FBXO24: variants seen among roughly 807,000 people sequenced by gnomAD.
FBXO24 encodes F-box protein 24.
A neutral mutation model predicts 63.5 loss-of-function variants in FBXO24; 30 were observed. That is an observed-to-expected ratio of 0.47 (90% confidence interval 0.35 to 0.64). The LOEUF (loss-of-function observed/expected upper bound fraction) is 0.64, where lower values mean the gene tolerates loss of function less well. Among genes scored for constraint, FBXO24 ranks in the 30% least tolerant of loss-of-function variants. The pLI is 0.00. For synonymous variants in FBXO24, 300 were observed against 305.0 expected (o/e 0.98, Z 0.17); for missense variants, 624 against 763.4 (o/e 0.82, Z 2.15).
chr7:100,586,721 G>A (rs745404687), intron 1 of FBXO24, 57 bp downstream of exon 1: 1 of 1,598,054 alleles, frequency 6.3e-7, no homozygotes, highest in Non-Finnish European at 8.6e-7. Context: ...CTGGCCGGCC[G>A]GGAACGCAGT....
In FBXO24 at chr7:100,601,073, T is replaced by A; in HGVS notation, c.*174T>A. Reference sequence around the variant, plus strand: ...CCAGGAGGGGCCCCCAACCTGACTATCATGGACAAGAGATTTGATGGATAG... The same window carrying A: ...CCAGGAGGGGCCCCCAACCTGACTAACATGGACAAGAGATTTGATGGATAG... On this transcript the variant is annotated 3_prime_UTR_variant, in exon 10 of 10. Transcript: ENST00000241071. 1 of 768,490 alleles carries A rather than the reference T, an allele frequency of 1.3e-6. No individual in the cohort carries two copies. The highest frequency in any genetic ancestry group is 2.0e-6 in the Non-Finnish European group (1 of 505,598). 47.6% of individuals were successfully genotyped at this position (768,490 alleles called of 1,614,324 possible).
At position 100,600,762 on chromosome 7, in the gene FBXO24, A is replaced by G. The variant is rs749634125; in HGVS notation, c.1606A>G (p.Thr536Ala). The G allele has an allele frequency of 6.2e-7, 1 of 1,614,134 alleles. No individual in the cohort carries two copies. Among genetic ancestry groups the G allele is most frequent in the Admixed American group, 1.7e-5 (1 of 60,020 alleles). The change falls in exon 10 of 10, where the codon ACG (threonine) becomes GCG (alanine). Residue 536 changes from threonine (T) to alanine (A), a missense_variant. Thr to Ala is a moderately conservative substitution (Grantham distance 58). Transcript: ENST00000241071. The surrounding 1 kb of genome is among the most constrained non-coding windows in gnomAD (Gnocchi z 6.3). ...CAGTTGCCAAACGTTGCAGGACCGC[A>G]CGGAGAAGATGAAGGAGATCGTAGG... ...IHSCQTLQDR[T>A]EKMKEIVGWM...
At chr7:100,590,116 G>A (rs1261376732) in intron 2 of FBXO24, 41 bp downstream of exon 2, 5 of 1,607,460 alleles carry the variant, frequency 3.1e-6, no homozygotes, top group Admixed American at 1.7e-5. Context: ...ATAGGATTGG[G>A]GGCCAGATCA....
intron 8 of FBXO24, among the ~76,000 whole-genome samples, chr7:100,597,758 G>C (rs1203285706): frequency 6.6e-6 from 1 of 151,890 alleles, no homozygotes; most frequent in Non-Finnish European, 1.5e-5. Flanking sequence ...CTGGAGTGCA[G>C]TGACACAATC....
chr7:100,600,224 G>T lies in FBXO24; in HGVS notation c.1377+23G>T, dbSNP rs753036905. The stretch of plus-strand genomic sequence containing the variant: ...AAGGTCAGAGCGGGGTCAGGAGAGT[G>T]GGCACCCAGGGAGGATGAGAGCCAT... On this transcript the variant is annotated intron_variant, in intron 9 of 9. Transcript: ENST00000241071. This position sits in a 1 kb window ranked among gnomAD's most constrained non-coding sequence, Gnocchi z 6.3. 6.0e-6 allele frequency: 9 copies of T among 1,501,810 alleles called. No individual in the cohort carries two copies. The highest frequency in any genetic ancestry group is 8.0e-6 in the Non-Finnish European group (9 of 1,120,286). 93.0% of individuals were successfully genotyped at this position (1,501,810 alleles called of 1,614,324 possible). A position where few individuals can be genotyped will look rare whatever the true frequency, so the allele number is the denominator to read the frequency against.
chr7:100,592,136 A>C (rs1441115224), intron 4 of FBXO24: 1 of 442,438 alleles, frequency 2.3e-6, no homozygotes, highest in Non-Finnish European at 4.2e-6. Flanking sequence ...GTGGGTGCCT[A>C]TAATTCCAGC....
chr7:100,589,904 C>T (rs1801923428), intron 1 of FBXO24, 73 bp from the exon 2 acceptor site: 5 of 1,568,492 alleles, frequency 3.2e-6, no homozygotes, highest in African/African-American at 1.4e-5. Flanking sequence ...CAGATGAGCC[C>T]CAAGGTAGGC....
intron 1 of FBXO24, 198 bp downstream of exon 1, chr7:100,586,862 G>T: frequency 2.3e-6 from 1 of 435,822 alleles, no homozygotes. Context: ...GCAGCGGGGG[G>T]ACCTCCGACT....
In FBXO24 at chr7:100,590,315, G is replaced by T. The variant is rs1297593384; in HGVS notation, c.280G>T (p.Gly94Cys). The change falls in exon 3 of 10, where the codon GGT becomes TGT. Residue 94 changes from glycine (G) to cysteine (C), a missense_variant. By Grantham distance (159) the Gly-to-Cys change is radical. This residue lies in a region of FBXO24 where 391 missense variants were observed against 469.1 expected (regional missense o/e 0.83). Transcript: ENST00000241071. ...ACTCAGTCCGCGCCTCCAAGATCAG[G>T]GTTCTGGAGTCCGGCCCTGGAAGAG... ...RRLSPRLQDQ[G>C]SGVRPWKRAA... 2 of 1,614,108 alleles carry T rather than the reference G, an allele frequency of 1.2e-6. No individual in the cohort carries two copies. The highest frequency in any genetic ancestry group is 2.7e-5 in the African/African-American group (2 of 75,046).
Position 100,590,313 on chromosome 7 carries a change from A to G in FBXO24, c.278A>G (p.Gln93Arg), listed in dbSNP as rs1036618227. The G allele has an allele frequency of 1.2e-5, 19 of 1,613,980 alleles. No individual in the cohort carries two copies. In the African/African-American group the frequency reaches 1.3e-4, roughly 11 times the overall value. Residue 93 changes from glutamine to arginine, a missense_variant, in exon 3 of 10, where the codon CAG becomes CGG. By Grantham distance (43) the Gln-to-Arg change is conservative. This residue lies in a region of FBXO24 where 391 missense variants were observed against 469.1 expected (regional missense o/e 0.83). Coordinates refer to ENST00000241071, the MANE Select transcript of FBXO24 (RefSeq NM_033506.3). ...CRRLSPRLQD[Q>R]GSGVRPWKRA... is the part of the protein sequence containing the mutation. ...AGACTCAGTCCGCGCCTCCAAGATC[A>G]GGGTTCTGGAGTCCGGCCCTGGAAG...
Position 100,594,685 on chromosome 7 carries a change from T to G in FBXO24, c.952+144T>G. 2 of 975,696 alleles carry G rather than the reference T, an allele frequency of 2.0e-6. No individual in the cohort carries two copies. Among genetic ancestry groups the G allele is most frequent in the Non-Finnish European group, 1.4e-6 (1 of 701,714 alleles). The allele number at this position is 975,696 out of a possible 1,614,324, so 60.4% of individuals were successfully genotyped here. A position where few individuals can be genotyped will look rare whatever the true frequency, so the allele number is the denominator to read the frequency against. ...ATGTGTTTAGGGCCGGCATGGTGAC[T>G]CATGCCTGTAATCCCATCACTTTGG... On this transcript the variant is annotated intron_variant, in intron 6 of 9. Transcript: ENST00000241071. This position sits in a 1 kb window ranked among gnomAD's most constrained non-coding sequence, Gnocchi z 4.2.
Position 100,601,077 on chromosome 7 carries a change from G to A in FBXO24, c.*178G>A, listed in dbSNP as rs1385950288. 2.8e-6 allele frequency: 2 copies of A among 711,014 alleles called. No homozygotes were observed. Among genetic ancestry groups the A allele is most frequent in the Non-Finnish European group, 4.3e-6 (2 of 462,146 alleles). 44.0% of individuals were successfully genotyped at this position (711,014 alleles called of 1,614,324 possible). A position where few individuals can be genotyped will look rare whatever the true frequency, so the allele number is the denominator to read the frequency against. On this transcript the variant is annotated 3_prime_UTR_variant, in exon 10 of 10. Transcript: ENST00000241071. The stretch of plus-strand genomic sequence containing the variant: ...GAGGGGCCCCCAACCTGACTATCAT[G>A]GACAAGAGATTTGATGGATAGAATA...
At chr7:100,599,458 T>C (rs568345308) in intron 8 of FBXO24, among the ~76,000 whole-genome samples, 2 of 150,402 alleles carry the variant, frequency 1.3e-5, no homozygotes, top group South Asian at 4.2e-4. Context: ...CCTGTAGTCC[T>C]AGCTACTTGG....
In FBXO24 at chr7:100,586,552, G is replaced by A. The variant is rs1801760390; in HGVS notation, c.-74G>A. On this transcript the variant is annotated 5_prime_UTR_variant, in exon 1 of 10. Transcript: ENST00000241071. ...CCAGATACAGGCGAGTGACTGTCAA[G>A]AAGGCCAATTAGAGCCTCCGAAGGG... The A allele has an allele frequency of 2.0e-6, 3 of 1,509,142 alleles. No individual in the cohort carries two copies. The highest frequency in any genetic ancestry group is 2.7e-5 in the African/African-American group (2 of 72,864). 93.5% of individuals were successfully genotyped at this position (1,509,142 alleles called of 1,614,324 possible).
chr7:100,586,568 C>A lies in FBXO24; in HGVS notation c.-58C>A, dbSNP rs1050680089. 4 of 1,586,332 alleles carry A rather than the reference C, an allele frequency of 2.5e-6. No individual in the cohort carries two copies. The highest frequency in any genetic ancestry group is 1.7e-4 in the Middle Eastern group (1 of 6,006). ...GACTGTCAAGAAGGCCAATTAGAGCCTCCGAAGGGAATCTGGACCTGCCTC... is the reference window on the plus strand; with the variant it reads ...GACTGTCAAGAAGGCCAATTAGAGCATCCGAAGGGAATCTGGACCTGCCTC... On this transcript the variant is annotated 5_prime_UTR_variant, in exon 1 of 10. Transcript: ENST00000241071.
Position 100,600,066 on chromosome 7 carries a change from C to T in FBXO24, c.1242C>T (p.Cys414=), listed in dbSNP as rs772661530. Residue 414 remains cysteine (C), a synonymous_variant, in exon 9 of 10, where the codon TGC becomes TGT. Coordinates refer to ENST00000241071, the MANE Select transcript of FBXO24 (RefSeq NM_033506.3). The surrounding 1 kb of genome is among the most constrained non-coding windows in gnomAD (Gnocchi z 6.3). ...CYLQRPITLW[C]GLNHSLVLSQ... Reference sequence around the variant, plus strand: ...TGCAGCGGCCCATCACCCTGTGGTGCGGCCTCAACCACTCCCTGGTGCTGA... The same window carrying T: ...TGCAGCGGCCCATCACCCTGTGGTGTGGCCTCAACCACTCCCTGGTGCTGA... The T allele has an allele frequency of 6.2e-6, 10 of 1,608,180 alleles. No homozygotes were observed. The highest frequency in any genetic ancestry group is 2.7e-5 in the African/African-American group (2 of 74,720).
rs746479088 is a variant in FBXO24 at position 100,600,784 on chromosome 7, T to C, written c.1628T>C (p.Val543Ala). The change falls in exon 10 of 10, where the codon GTA (valine) becomes GCA (alanine). Residue 543 changes from valine to alanine, a missense_variant. By Grantham distance (64) the Val-to-Ala change is moderately conservative (BLOSUM62 0). This residue lies in a region of FBXO24 where 216 missense variants were observed against 245.2 expected (regional missense o/e 0.88). Transcript: ENST00000241071. This position sits in a 1 kb window ranked among gnomAD's most constrained non-coding sequence, Gnocchi z 6.3. Reference sequence around the variant, plus strand: ...CGCACGGAGAAGATGAAGGAGATCGTAGGGTGGATGCCCCTGATGGCCGCA... The same window carrying C: ...CGCACGGAGAAGATGAAGGAGATCGCAGGGTGGATGCCCCTGATGGCCGCA... ...QDRTEKMKEI[V>A]GWMPLMAAQK... 6.2e-6 allele frequency: 10 copies of C among 1,613,916 alleles called. No homozygotes were observed. The South Asian group carries it at 7.7e-5, about 12-fold the overall frequency.
chr7:100,589,774 G>C, intron 1 of FBXO24: 6 of 1,537,452 alleles, frequency 3.9e-6, no homozygotes, highest in Non-Finnish European at 5.3e-6. Context: ...AGGCTGTGTG[G>C]ACGGGAGGAG....
chr7:100,591,883 T>C lies in FBXO24; in HGVS notation c.539T>C (p.Leu180Ser). 1 of 1,614,216 alleles carries C rather than the reference T, an allele frequency of 6.2e-7. No individual in the cohort carries two copies. The highest frequency in any genetic ancestry group is 8.5e-7 in the Non-Finnish European group (1 of 1,180,046). Residue 180 changes from leucine (L) to serine (S), a missense_variant, in exon 4 of 10, where the codon TTG becomes TCG. Transcript: ENST00000241071. The part of the protein sequence containing the change: ...QWKRACRYVV[L>S]CRGAKDFASD... ...AAGCGGGCCTGTCGCTATGTTGTGT[T>C]GTGTCGTGGAGCCAAGGATGTGAGT...
Sources: gnomAD v4.1 joint callset for allele counts (sites outside exome capture counted in the v4.1 genomes callset) on GRCh38, gnomAD v4.1.1 for gene constraint, gnomAD v4.1.1 regional missense constraint, Gnocchi (gnomAD v3.1) non-coding constraint, MANE v1.5 for transcripts, NCBI Gene and HGNC (gene_info 2026-07-23, HGNC 2026-07-21) for gene names.